The following SLC8A2 variants were observed in gnomAD, a reference collection of about 807,000 sequenced individuals.
SLC8A2 encodes the protein sodium/calcium exchanger 2.
SLC8A2 carries 14 observed loss-of-function variants against 70.2 expected under a neutral mutation model. That is an observed-to-expected ratio of 0.20 (90% confidence interval 0.13 to 0.31). SLC8A2 has a LOEUF of 0.31. SLC8A2 is among the 10% of genes least tolerant of loss of function. The probability of loss-of-function intolerance (pLI) is 1.00; values close to 1 mark genes in which losing one functional copy is unlikely to be tolerated. For missense variants in SLC8A2, 779 were observed against 1,320.1 expected (o/e 0.59, Z 6.35); for synonymous variants, 575 against 594.3 (o/e 0.97, Z 0.47).
Position 47,447,231 on chromosome 19 carries a change from A to G in SLC8A2, c.1763+578T>C, listed in dbSNP as rs1405848364. Among the ~76,000 whole-genome samples the G allele has an allele frequency of 2.0e-5, 3 of 146,996 alleles. No homozygotes were observed. The stretch of plus-strand genomic sequence containing the variant: ...CCTGATGTCGTATGTCCAAACCCAG[A>G]CCCCACCTATCGCCCTGGACCCGCC... On this transcript the variant is annotated intron_variant, in intron 4 of 9. Coordinates refer to ENST00000236877, the MANE Select transcript of SLC8A2 (RefSeq NM_015063.3). The surrounding 1 kb of genome is among the most constrained non-coding windows in gnomAD (Gnocchi z 5.1).
At position 47,466,302 on chromosome 19, in the gene SLC8A2, A is replaced by G. The variant is rs1967459338; in HGVS notation, c.102T>C (p.Asn34=). 4 of 1,509,394 alleles carry G rather than the reference A, an allele frequency of 2.7e-6. No individual in the cohort carries two copies. Among genetic ancestry groups the G allele is most frequent in the Non-Finnish European group, 3.6e-6 (4 of 1,125,164 alleles). 93.5% of individuals were successfully genotyped at this position (1,509,394 alleles called of 1,614,324 possible). A position where few individuals can be genotyped will look rare whatever the true frequency, so the allele number is the denominator to read the frequency against. The change falls in exon 2 of 10, where the codon AAT becomes AAC. Residue 34 remains asparagine (N), a synonymous_variant. Transcript: ENST00000236877. This position sits in a 1 kb window ranked among gnomAD's most constrained non-coding sequence, Gnocchi z 6.9. ...PTPSLPPPPA[N]DSDTSTGGCQ... ...AGCCCCCTGTGCTGGTGTCGCTGTC[A>G]TTGGCCGGGGGAGGCGGCAGGGAGG...
chr19:47,432,468 G>C lies in SLC8A2; in HGVS notation c.2111-23C>G, dbSNP rs1420290359. 3.2e-6 allele frequency: 5 copies of C among 1,554,468 alleles called. No individual in the cohort carries two copies. In the East Asian group the frequency reaches 1.1e-4, roughly 35 times the overall value. ...CCCCTGTGGGCACACGACCCAGCTG[G>C]GGCATACACTCAGACTTCCTTCCTT... is the stretch of plus-strand genomic sequence containing the variant. On this transcript the variant is annotated intron_variant, in intron 8 of 9. Transcript: ENST00000236877. This position sits in a 1 kb window ranked among gnomAD's most constrained non-coding sequence, Gnocchi z 6.2.
chr19:47,441,121 C>T (rs201858639), intron 6 of SLC8A2, 48 bp downstream of exon 6: 11 of 1,597,232 alleles, frequency 6.9e-6, no homozygotes, highest in Non-Finnish European at 8.6e-6. Flanking sequence ...CCCAGGCCCT[C>T]TTCCAGTGGC....
intron 3 of SLC8A2, among the ~76,000 whole-genome samples, chr19:47,452,799 G>A (rs1415850292): frequency 2.0e-5 from 3 of 152,056 alleles, no homozygotes; most frequent in African/African-American, 2.4e-5. Context: ...TTGGGAGGCC[G>A]GGGTGGATGG....
In SLC8A2 at chr19:47,429,367, G is replaced by A. The variant is rs1316083478; in HGVS notation, c.*722C>T. The A allele has an allele frequency of 6.5e-6, 1 of 152,976 alleles. No homozygotes were observed. Among genetic ancestry groups the A allele is most frequent in the East Asian group, 1.9e-4 (1 of 5,188 alleles). The allele number at this position is 152,976 out of a possible 1,614,324, so 9.5% of individuals were successfully genotyped here. A position where few individuals can be genotyped will look rare whatever the true frequency, so the allele number is the denominator to read the frequency against. On this transcript the variant is annotated 3_prime_UTR_variant, in exon 10 of 10. Coordinates refer to ENST00000236877, the MANE Select transcript of SLC8A2 (RefSeq NM_015063.3). ...CTCTCAGAGGTAGTGGAGGGCGAGTGGGGGAGCTGGAATGTCTGAAGTTGC... is the reference window on the plus strand; with the variant it reads ...CTCTCAGAGGTAGTGGAGGGCGAGTAGGGGAGCTGGAATGTCTGAAGTTGC...
rs147892033 is a variant in SLC8A2, at chr19:47,451,879, G to T, written c.1341-3648C>A. On this transcript the variant is annotated intron_variant, in intron 3 of 9. Transcript: ENST00000236877. ...ATCAGGTCACAAAAGTCATGGGAAG[G>T]CTGAGAAACTGATCCAGACTGAAGG... Among the ~76,000 whole-genome samples, 672 of 152,250 alleles carry T rather than the reference G, an allele frequency of 4.4e-3. 9 individuals carry two copies. The highest frequency in any genetic ancestry group is 0.015 in the African/African-American group (631 of 41,538).
At chr19:47,440,928 G>A (rs1967092316) in intron 6 of SLC8A2, among the ~76,000 whole-genome samples, 1 of 152,030 alleles carries the variant, frequency 6.6e-6, no homozygotes, top group South Asian at 2.1e-4. Flanking sequence ...AAGAGATGGG[G>A]TTTCACCATG....
Position 47,441,182 on chromosome 19 carries a change from C to G in SLC8A2, c.1872G>C (p.Leu624=). Residue 624 remains leucine (L), a synonymous_variant, in exon 6 of 10, where the codon CTG becomes CTC. Transcript: ENST00000236877. ...PQWLKRGISA[L]LLNQGDGDRK... Reference sequence around the variant, plus strand: ...GACTTCACTCACCTTGATTGAGTAGCAGAGCTGGGGAGAGACAGAGACAGG... The same window carrying G: ...GACTTCACTCACCTTGATTGAGTAGGAGAGCTGGGGAGAGACAGAGACAGG... 1 of 1,614,044 alleles carries G rather than the reference C, an allele frequency of 6.2e-7. No individual in the cohort carries two copies. The highest frequency in any genetic ancestry group is 8.5e-7 in the Non-Finnish European group (1 of 1,179,978).
intron 3 of SLC8A2, among the ~76,000 whole-genome samples, chr19:47,456,095 T>C (rs1352489007): frequency 6.6e-6 from 1 of 152,264 alleles, no homozygotes; most frequent in Non-Finnish European, 1.5e-5. Context: ...ATACAGTGCA[T>C]GCTCAATAAG....
Position 47,466,494 on chromosome 19 carries a change from G to C in SLC8A2, c.-16-75C>G, listed in dbSNP as rs1315340506. Reference sequence around the variant, plus strand: ...GTCATACAAAGGTCAAAGCTCACTGGGGAAGGAGGGTTGGGGGAGAAGCTG... The same window carrying C: ...GTCATACAAAGGTCAAAGCTCACTGCGGAAGGAGGGTTGGGGGAGAAGCTG... On this transcript the variant is annotated intron_variant, in intron 1 of 9. Transcript: ENST00000236877. This position sits in a 1 kb window ranked among gnomAD's most constrained non-coding sequence, Gnocchi z 6.9. The C allele has an allele frequency of 3.4e-6, 2 of 595,408 alleles. No individual in the cohort carries two copies. The highest frequency in any genetic ancestry group is 6.3e-5 in the Admixed American group (2 of 31,950). The allele number at this position is 595,408 out of a possible 1,614,324, so 36.9% of individuals were successfully genotyped here.
intron 8 of SLC8A2, among the ~76,000 whole-genome samples, chr19:47,434,924 G>T (rs970131082): frequency 6.6e-6 from 1 of 152,080 alleles, no homozygotes; most frequent in African/African-American, 2.4e-5. Flanking sequence ...ACACGATAGG[G>T]TCAGCTGGGC....
At chr19:47,470,073 C>T (rs1452038067) in intron 1 of SLC8A2, among the ~76,000 whole-genome samples, 1 of 152,114 alleles carries the variant, frequency 6.6e-6, no homozygotes, top group Non-Finnish European at 1.5e-5. Context: ...GGGGGCTGGC[C>T]CTTGCAGGAC....
At chr19:47,456,897 C>G in intron 3 of SLC8A2, 33 bp downstream of exon 3, 1 of 1,542,652 alleles carries the variant, frequency 6.5e-7, no homozygotes, top group Non-Finnish European at 8.7e-7. Flanking sequence ...CCTGCGCCAG[C>G]CCCCTGCACA....
intron 6 of SLC8A2, among the ~76,000 whole-genome samples, chr19:47,440,593 A>T (rs1022665513): frequency 2.7e-5 from 4 of 148,334 alleles, no homozygotes; most frequent in Non-Finnish European, 4.5e-5. Context: ...CACTCAGCTA[A>T]TTTTTTTTTT....
At chr19:47,471,078 C>G (rs1023322354) in intron 1 of SLC8A2, among the ~76,000 whole-genome samples, 1 of 149,138 alleles carries the variant, frequency 6.7e-6, no homozygotes, top group East Asian at 2.0e-4. Flanking sequence ...GAGAGAGAAA[C>G]AGAGACTGAG....
intron 8 of SLC8A2, among the ~76,000 whole-genome samples, chr19:47,434,582 G>A (rs993400157): frequency 6.6e-6 from 1 of 152,164 alleles, no homozygotes; most frequent in Non-Finnish European, 1.5e-5. Context: ...CTGTTGTTTC[G>A]ATTGTTATGA....
At chr19:47,439,103 A>T (rs1404238804) in intron 6 of SLC8A2, among the ~76,000 whole-genome samples, 4 of 151,728 alleles carry the variant, frequency 2.6e-5, no homozygotes, top group African/African-American at 9.7e-5. Context: ...GAGCCTCGAA[A>T]CTCTCTTGCC....
rs899413651 is a variant in SLC8A2 at position 47,448,960 on chromosome 19, G to T, written c.1341-729C>A. On this transcript the variant is annotated intron_variant, in intron 3 of 9. Transcript: ENST00000236877. This position sits in a 1 kb window ranked among gnomAD's most constrained non-coding sequence, Gnocchi z 4.8. ...CAGTAACCAGGCCCTGTCCTCACAG[G>T]GTTCACAGCCCCATGGGAGAGCCAT... 6.6e-6 allele frequency among the ~76,000 whole-genome samples: 1 copy of T among 152,158 alleles called. No individual in the cohort carries two copies. The highest frequency in any genetic ancestry group is 6.5e-5 in the Admixed American group (1 of 15,268).
intron 3 of SLC8A2, among the ~76,000 whole-genome samples, chr19:47,454,480 C>CA (rs1967279665): frequency 1.3e-5 from 2 of 152,074 alleles, no homozygotes; most frequent in South Asian, 4.1e-4. Flanking sequence ...TTGTTTGAGA[C>CA]AGTGTCTCAC....
Sources: allele counts gnomAD v4.1 joint callset (sites outside exome capture counted in the v4.1 genomes callset), GRCh38; gene constraint gnomAD v4.1.1; non-coding constraint Gnocchi (gnomAD v3.1); transcripts MANE v1.5; gene names NCBI Gene and HGNC (gene_info 2026-07-23, HGNC 2026-07-21).